The following METTL25 variants were observed in gnomAD, a reference collection of about 807,000 sequenced individuals.
The protein encoded by METTL25 is methyltransferase like 25, also known as probable methyltransferase-like protein 25.
Under a neutral mutation model 71.6 loss-of-function variants are expected in METTL25, and 64 were observed. That is an observed-to-expected ratio of 0.89 (90% confidence interval 0.73 to 1.10). The LOEUF is 1.10. Among genes scored for constraint, METTL25 ranks in the 50% least tolerant of loss-of-function variants. The pLI, the probability that METTL25 is intolerant of heterozygous loss-of-function variation, is 0.00. For missense variants in METTL25, 807 were observed against 707.0 expected (o/e 1.14, Z -1.60); for synonymous variants, 287 against 250.3 (o/e 1.15, Z -1.38).
chr12:82,452,649 T>C (rs1290295127), intron 8 of METTL25, among the ~76,000 whole-genome samples: 2 of 152,218 alleles, frequency 1.3e-5, no homozygotes, highest in South Asian at 2.1e-4. Context: ...TTTGCAGATA[T>C]TATTTTTAAG....
At chr12:82,398,253 C>CTT (rs572095749) in intron 3 of METTL25, among the ~76,000 whole-genome samples, 6 of 142,496 alleles carry the variant, frequency 4.2e-5, no homozygotes, top group Non-Finnish European at 6.2e-5. Flanking sequence ...TTTTATTTTT[C>CTT]TTTTTTTTTT....
intron 1 of METTL25, among the ~76,000 whole-genome samples, chr12:82,382,773 T>C (rs1198609197): frequency 9.2e-5 from 14 of 152,224 alleles, no homozygotes; most frequent in Non-Finnish European, 1.5e-4. Flanking sequence ...TGGAGTGCAG[T>C]GTCATGATGA....
At chr12:82,423,148 A>T (rs1176908845) in intron 5 of METTL25, among the ~76,000 whole-genome samples, 1 of 152,170 alleles carries the variant, frequency 6.6e-6, no homozygotes, top group Non-Finnish European at 1.5e-5. Flanking sequence ...ACTATACTAC[A>T]AGGCTACAAT....
At chr12:82,364,502 A>T (rs1882338022) in intron 1 of METTL25, among the ~76,000 whole-genome samples, 1 of 152,326 alleles carries the variant, frequency 6.6e-6, no homozygotes, top group South Asian at 2.1e-4. Flanking sequence ...TGTACTGAGA[A>T]ATTTTTCATG....
chr12:82,421,870 A>G (rs1888535681), intron 5 of METTL25, among the ~76,000 whole-genome samples: 1 of 152,202 alleles, frequency 6.6e-6, no homozygotes, highest in South Asian at 2.1e-4. Context: ...CTCTTAATAG[A>G]ACAATAACAG....
chr12:82,456,566 T>C (rs889184067), intron 8 of METTL25, among the ~76,000 whole-genome samples, 161 bp from the exon 9 acceptor site: 3 of 152,026 alleles, frequency 2.0e-5, no homozygotes, highest in African/African-American at 7.2e-5. Context: ...CATTATAACA[T>C]GTAACTTTAA....
At chr12:82,476,771 G>C in intron 10 of METTL25, 53 bp downstream of exon 10, 1 of 1,174,848 alleles carries the variant, frequency 8.5e-7, no homozygotes, top group African/African-American at 1.6e-5. Context: ...GACTTGAATA[G>C]GGTCCTATTA....
chr12:82,441,227 T>C (rs1890301170), intron 8 of METTL25, among the ~76,000 whole-genome samples: 2 of 151,870 alleles, frequency 1.3e-5, no homozygotes, highest in Admixed American at 1.3e-4. Context: ...GCTAGCTGCC[T>C]ACAAGAAATA....
At chr12:82,457,125 A>AAG (rs1192571151) in intron 9 of METTL25, among the ~76,000 whole-genome samples, 1 of 152,022 alleles carries the variant, frequency 6.6e-6, no homozygotes, top group Non-Finnish European at 1.5e-5. Context: ...GAAGTAAAGC[A>AAG]AGAGAGAATG....
intron 6 of METTL25, among the ~76,000 whole-genome samples, chr12:82,431,874 A>C (rs1889525372): frequency 6.6e-6 from 1 of 151,716 alleles, no homozygotes; most frequent in African/African-American, 2.4e-5. Flanking sequence ...ATCATCTAAC[A>C]CAAAGCCTGT....
chr12:82,443,462 C>CAAAAAAA (rs67737833), intron 8 of METTL25, among the ~76,000 whole-genome samples: 1 of 96,568 alleles, frequency 1.0e-5, no homozygotes, highest in African/African-American at 3.8e-5. Context: ...CAGAGGAGAC[C>CAAAAAAA]AAAAAAAAAA....
chr12:82,358,853 G>A (rs751906907), intron 1 of METTL25, 29 bp downstream of exon 1: 1 of 1,573,388 alleles, frequency 6.4e-7, no homozygotes, highest in Admixed American at 1.8e-5. Context: ...GGGGCGGGAA[G>A]GGAGGCGGAG....
intron 8 of METTL25, among the ~76,000 whole-genome samples, chr12:82,440,363 AC>A (rs747499338): frequency 1.3e-5 from 2 of 151,914 alleles, no homozygotes; most frequent in African/African-American, 2.4e-5. Flanking sequence ...CCTCACAAAT[AC>A]ATCAGTCAGC....
chr12:82,399,477 C>A, intron 4 of METTL25, 83 bp downstream of exon 4: 1 of 1,048,712 alleles, frequency 9.5e-7, no homozygotes, highest in Non-Finnish European at 1.4e-6. Context: ...ACATACATAT[C>A]TTACTTGATC....
chr12:82,461,085 G>A (rs921665506), intron 9 of METTL25, among the ~76,000 whole-genome samples: 2 of 152,182 alleles, frequency 1.3e-5, no homozygotes, highest in Admixed American at 6.5e-5. Flanking sequence ...AGAGTTTGCA[G>A]TGAGCCAAGA....
intron 5 of METTL25, among the ~76,000 whole-genome samples, chr12:82,405,248 AGTT>A (rs1886995049): frequency 1.3e-5 from 2 of 152,154 alleles, no homozygotes; most frequent in Non-Finnish European, 2.9e-5. Flanking sequence ...TTTTCTGCAC[AGTT>A]GCACCTTACT....
intron 1 of METTL25, among the ~76,000 whole-genome samples, chr12:82,381,028 A>G (rs1156634328): frequency 6.6e-6 from 1 of 152,128 alleles, no homozygotes; most frequent in East Asian, 1.9e-4. Flanking sequence ...GAGTTGCTGA[A>G]CCCCCTTCAA....
At chr12:82,404,458 C>T (rs1366709161) in intron 5 of METTL25, among the ~76,000 whole-genome samples, 1 of 152,026 alleles carries the variant, frequency 6.6e-6, no homozygotes, top group Non-Finnish European at 1.5e-5. Flanking sequence ...TGAAAAAATA[C>T]TTTAATGCAA....
At chr12:82,360,900 G>C (rs946049761) in intron 1 of METTL25, among the ~76,000 whole-genome samples, 1 of 152,124 alleles carries the variant, frequency 6.6e-6, no homozygotes, top group South Asian at 2.1e-4. Flanking sequence ...TCCTTCTGGC[G>C]GGTTCGTGGT....
Sources: allele counts gnomAD v4.1 joint callset (sites outside exome capture counted in the v4.1 genomes callset), GRCh38; gene constraint gnomAD v4.1.1; transcripts MANE v1.5; gene names NCBI Gene and HGNC (gene_info 2026-07-23, HGNC 2026-07-21).